Variants in ENTPD2 observed in about 807,000 individuals in gnomAD.
ENTPD2 encodes ectonucleoside triphosphate diphosphohydrolase 2.
In ENTPD2, 48 loss-of-function variants were observed where a neutral mutation model predicts 46.8. The observed-to-expected ratio is 1.03, with a 90% confidence interval of 0.81 to 1.30. The LOEUF (loss-of-function observed/expected upper bound fraction) is 1.30. Among genes scored for constraint, ENTPD2 ranks in the 50% most tolerant of loss-of-function variants. The pLI, the probability that ENTPD2 is intolerant of heterozygous loss-of-function variation, is 0.00. For missense variants in ENTPD2, 707 were observed against 651.1 expected (o/e 1.09, Z -0.93); for synonymous variants, 316 against 286.1 (o/e 1.10, Z -1.06).
Position 137,051,113 on chromosome 9 carries a change from C to A in ENTPD2, c.563G>T (p.Arg188Leu), listed in dbSNP as rs138022111. Reference protein sequence around the residue: ...ENFIKYGWVGRWFRPRKGTLG... With the variant: ...ENFIKYGWVGLWFRPRKGTLG... ...TGTCCCCTTCCGTGGCCGGAACCAC[C>A]GGCCCACCCAGCCGTACTGTGGAGA... Residue 188 changes from arginine to leucine, a missense_variant, in exon 5 of 9, where the codon CGG becomes CTG. Coordinates refer to ENST00000355097, the MANE Select transcript of ENTPD2 (RefSeq NM_203468.3). 6.2e-6 allele frequency: 10 copies of A among 1,612,674 alleles called. No individual in the cohort carries two copies. The highest frequency in any genetic ancestry group is 8.5e-6 in the Non-Finnish European group (10 of 1,179,996).
At chr9:137,051,484 C>G (rs774300591) in intron 3 of ENTPD2, 26 bp downstream of exon 3, 1 of 1,566,422 alleles carries the variant, frequency 6.4e-7, no homozygotes. Flanking sequence ...ATCATGGGGA[C>G]AGGGCCAGGG....
In ENTPD2 at chr9:137,053,888, G is replaced by T; in HGVS notation, c.110C>A (p.Ala37Asp). The T allele has an allele frequency of 2.4e-6, 3 of 1,225,318 alleles. No homozygotes were observed. Among genetic ancestry groups the T allele is most frequent in the East Asian group, 6.4e-5 (2 of 31,194 alleles). The allele number at this position is 1,225,318 out of a possible 1,614,324, so 75.9% of individuals were successfully genotyped here. The change falls in exon 1 of 9, where the codon GCC becomes GAC. Residue 37 changes from alanine to aspartate, a missense_variant. By Grantham distance (126) the Ala-to-Asp change is moderately radical. Transcript: ENST00000355097. ...GGGTGCCCGGGCGCGCACCTTGAGGGCGGGCGGCTCCCGGACGTCGCGGGT... is the reference window on the plus strand; with the variant it reads ...GGGTGCCCGGGCGCGCACCTTGAGGTCGGGCGGCTCCCGGACGTCGCGGGT... ...VPTRDVREPPALKYGIVLDAG... is the reference protein window; with the variant it reads ...VPTRDVREPPDLKYGIVLDAG...
intron 5 of ENTPD2, 75 bp downstream of exon 5, chr9:137,050,827 C>A: frequency 6.5e-7 from 1 of 1,526,812 alleles, no homozygotes. Context: ...AGAAGCCTTC[C>A]ACAGCACAGT....
In ENTPD2 at chr9:137,050,447, C is replaced by T. The variant is rs535342828; in HGVS notation, c.866G>A (p.Arg289Gln). 17 of 1,612,926 alleles carry T rather than the reference C, an allele frequency of 1.1e-5. No individual in the cohort carries two copies. The highest frequency in any genetic ancestry group is 8.0e-5 in the African/African-American group (6 of 75,068). The change falls in exon 6 of 9, where the codon CGG becomes CAG. Residue 289 changes from arginine to glutamine, a missense_variant. By Grantham distance (43) the Arg-to-Gln change is conservative. Transcript: ENST00000355097. ...VYQSPCTMAQRPQNFNSSARV... is the reference protein window; with the variant it reads ...VYQSPCTMAQQPQNFNSSARV... ...GGCACTGCTGTTGAAGTTCTGGGGCCGCTGGGCCATGGTGCATGGTGACTG... is the reference window on the plus strand; with the variant it reads ...GGCACTGCTGTTGAAGTTCTGGGGCTGCTGGGCCATGGTGCATGGTGACTG...
chr9:137,049,975 G>A lies in ENTPD2; in HGVS notation c.1044C>T (p.Phe348=), dbSNP rs1284044045. The A allele has an allele frequency of 1.2e-6, 2 of 1,612,068 alleles. No homozygotes were observed. The highest frequency in any genetic ancestry group is 8.5e-7 in the Non-Finnish European group (1 of 1,179,640). ...TCCGCAAAAAGTCCACAGTGTAGAA[G>A]AAGGCAGAGAAGGCCTGTAGGGGGC... ...VAGNFVAFSA[F]FYTVDFLRTS... is the part of the protein sequence containing the mutation. The change falls in exon 7 of 9, where the codon TTC becomes TTT. Residue 348 remains phenylalanine, a synonymous_variant. Coordinates refer to ENST00000355097, the MANE Select transcript of ENTPD2 (RefSeq NM_203468.3).
At chr9:137,050,815 G>A (rs1832272397) in intron 5 of ENTPD2, 87 bp downstream of exon 5, 1 of 1,481,262 alleles carries the variant, frequency 6.8e-7, no homozygotes. Flanking sequence ...AGCCCAGCCT[G>A]GAGAAGCCTT....
chr9:137,052,518 G>A, intron 1 of ENTPD2, 170 bp from the exon 2 acceptor site: 1 of 541,504 alleles, frequency 1.8e-6, no homozygotes, highest in South Asian at 2.3e-5. Context: ...CTGAGGCCGT[G>A]GTTGGAAGGA....
At chr9:137,049,153 G>A (rs1474610254) in intron 7 of ENTPD2, 78 bp from the exon 8 acceptor site, 1 of 1,532,542 alleles carries the variant, frequency 6.5e-7, no homozygotes, top group Non-Finnish European at 8.7e-7. Flanking sequence ...GGCCGGCGGC[G>A]TGCTTCACCC....
chr9:137,050,428 G>A lies in ENTPD2; in HGVS notation c.885C>T (p.Ser295=). ...TMAQRPQNFN[S]SARVSLSGSS... is the part of the protein sequence containing the mutation. Reference sequence around the variant, plus strand: ...TCCCTGACAGGCTGACCCTGGCACTGCTGTTGAAGTTCTGGGGCCGCTGGG... The same window carrying A: ...TCCCTGACAGGCTGACCCTGGCACTACTGTTGAAGTTCTGGGGCCGCTGGG... Residue 295 remains serine (S), a synonymous_variant, in exon 6 of 9, where the codon AGC becomes AGT. Transcript: ENST00000355097. 1 of 1,612,992 alleles carries A rather than the reference G, an allele frequency of 6.2e-7. No individual in the cohort carries two copies. Among genetic ancestry groups the A allele is most frequent in the East Asian group, 2.2e-5 (1 of 44,890 alleles).
intron 5 of ENTPD2, 108 bp downstream of exon 5, chr9:137,050,794 C>A (rs757054994): frequency 7.1e-7 from 1 of 1,403,614 alleles, no homozygotes; most frequent in Non-Finnish European, 9.7e-7. Context: ...CCTGTCTTTC[C>A]AGCCAATTAA....
Position 137,051,624 on chromosome 9 carries a change from C to G in ENTPD2, c.272G>C (p.Gly91Ala), listed in dbSNP as rs779381194. The stretch of plus-strand genomic sequence containing the variant: ...GCATCCAACAAGACTCTGGCTGGCC[C>G]CAGAAGGGTTGTCTGCATAGCTGGA... ...GISSYADNPS[G>A]ASQSLVGCLE... The change falls in exon 3 of 9, where the codon GGG becomes GCG. Residue 91 changes from glycine to alanine, a missense_variant. Gly to Ala is a moderately conservative substitution (Grantham distance 60). Coordinates refer to ENST00000355097, the MANE Select transcript of ENTPD2 (RefSeq NM_203468.3). 3.2e-5 allele frequency: 51 copies of G among 1,612,458 alleles called. No individual in the cohort carries two copies. The highest frequency in any genetic ancestry group is 4.2e-5 in the Non-Finnish European group (49 of 1,179,854).
chr9:137,048,894 GGCCCCGCCCCGCAAGGTCGGCCCCGCCCC>G lies in ENTPD2; in HGVS notation c.1284+18_1285-35del, dbSNP rs1588552850. 4 of 1,485,216 alleles carry G rather than the reference GGCCCCGCCCCGCAAGGTCGGCCCCGCCCC, an allele frequency of 2.7e-6. No homozygotes were observed. Among genetic ancestry groups the G allele is most frequent in the Non-Finnish European group, 3.6e-6 (4 of 1,111,210 alleles). The allele number at this position is 1,485,216 out of a possible 1,614,324, so 92.0% of individuals were successfully genotyped here. A position where few individuals can be genotyped will look rare whatever the true frequency, so the allele number is the denominator to read the frequency against. ...AAGGGCGTGGCCTCAGCTCCCGAGA[GGCCCCGCCCCGCAAGGTCGGCCCCGCCCC>G]GCCCCGCCCCAGCCCACCTTCTTCT... On this transcript the variant is annotated intron_variant, in intron 8 of 8. Transcript: ENST00000355097.
In ENTPD2 at chr9:137,051,053, T is replaced by G; in HGVS notation, c.623A>C (p.Gln208Pro). The change falls in exon 5 of 9, where the codon CAG becomes CCG. Residue 208 changes from glutamine to proline, a missense_variant. Coordinates refer to ENST00000355097, the MANE Select transcript of ENTPD2 (RefSeq NM_203468.3). ...GAMDLGGAST[Q>P]ITFETTSPAE... ...TGGACTGGTTGTCTCAAAAGTGATC[T>G]GGGTAGAGGCACCCCCCAGGTCCAT... The G allele has an allele frequency of 4.3e-6, 7 of 1,612,904 alleles. No homozygotes were observed. Among genetic ancestry groups the G allele is most frequent in the East Asian group, 2.2e-5 (1 of 44,876 alleles).
intron 7 of ENTPD2, 81 bp from the exon 8 acceptor site, chr9:137,049,156 C>G: frequency 6.5e-7 from 1 of 1,531,848 alleles, no homozygotes; most frequent in Non-Finnish European, 8.7e-7. Flanking sequence ...CGGCGGCGTG[C>G]TTCACCCCTC....
At chr9:137,049,494 C>T (rs575625844) in intron 7 of ENTPD2, 11 of 443,356 alleles carry the variant, frequency 2.5e-5, no homozygotes, top group African/African-American at 1.0e-4. Context: ...CTCACCACCC[C>T]GGTCCTGGGA....
At position 137,051,198 on chromosome 9, in the gene ENTPD2, C is replaced by G. The variant is rs1414065260; in HGVS notation, c.546+13G>C. ...CCACGCCCCCTGGCTCTTTGGCTGG[C>G]TGCTGGGCCCACCTTGATGAAGTTC... On this transcript the variant is annotated intron_variant, in intron 4 of 8. Coordinates refer to ENST00000355097, the MANE Select transcript of ENTPD2 (RefSeq NM_203468.3). The G allele has an allele frequency of 6.2e-7, 1 of 1,612,244 alleles. No individual in the cohort carries two copies. Among genetic ancestry groups the G allele is most frequent in the Non-Finnish European group, 8.5e-7 (1 of 1,179,646 alleles).
Position 137,049,958 on chromosome 9 carries a change from A to G in ENTPD2, c.1061T>C (p.Phe354Ser), listed in dbSNP as rs1832226888. 1 of 1,612,622 alleles carries G rather than the reference A, an allele frequency of 6.2e-7. No individual in the cohort carries two copies. The change falls in exon 7 of 9, where the codon TTT (phenylalanine) becomes TCT (serine). Residue 354 changes from phenylalanine to serine, a missense_variant. Coordinates refer to ENST00000355097, the MANE Select transcript of ENTPD2 (RefSeq NM_203468.3). Reference sequence around the variant, plus strand: ...GGGCAGCCCCATCGAAGTCCGCAAAAAGTCCACAGTGTAGAAGAAGGCAGA... The same window carrying G: ...GGGCAGCCCCATCGAAGTCCGCAAAGAGTCCACAGTGTAGAAGAAGGCAGA... The part of the protein sequence containing the change: ...AFSAFFYTVD[F>S]LRTSMGLPVA...
intron 3 of ENTPD2, 69 bp from the exon 4 acceptor site, chr9:137,051,439 G>A (rs765952947): frequency 2.0e-5 from 31 of 1,541,734 alleles, no homozygotes; most frequent in Middle Eastern, 1.7e-4. Flanking sequence ...AGGGGTGCTC[G>A]GAGTCCGCCC....
rs1244066227 is a variant in ENTPD2, at chr9:137,049,990, C to T, written c.1030-1G>A. The T allele has an allele frequency of 1.2e-6, 2 of 1,611,158 alleles. No homozygotes were observed. Among genetic ancestry groups the T allele is most frequent in the African/African-American group, 1.3e-5 (1 of 74,770 alleles). The stretch of plus-strand genomic sequence containing the variant: ...CAGTGTAGAAGAAGGCAGAGAAGGC[C>T]TGTAGGGGGCGCAGTCACACTGTGA... On this transcript the variant is annotated splice_acceptor_variant, in intron 6 of 8. Transcript: ENST00000355097. LOFTEE classifies it high-confidence loss of function.
Sources: allele counts gnomAD v4.1 joint callset, GRCh38; gene constraint gnomAD v4.1.1; transcripts MANE v1.5; gene names NCBI Gene and HGNC (gene_info 2026-07-23, HGNC 2026-07-21).